The following PCARE variants were observed in gnomAD, a reference collection of about 807,000 sequenced individuals.
PCARE encodes the protein uncharacterized protein C2orf71.
PCARE carries 72 observed loss-of-function variants against 82.2 expected under a neutral mutation model. That is an observed-to-expected ratio of 0.88 (90% CI 0.72 to 1.07). PCARE has a LOEUF of 1.07. Among genes scored for constraint, PCARE ranks in the 50% least tolerant of loss-of-function variants. The pLI, the probability that PCARE is intolerant of heterozygous loss-of-function variation, is 0.00. For synonymous variants in PCARE, 705 were observed against 634.8 expected (o/e 1.11, Z -1.66); for missense variants, 1,768 against 1,592.4 (o/e 1.11, Z -1.88).
At position 29,071,171 on chromosome 2, in the gene PCARE, T is replaced by TG. The variant is rs1558488002; in HGVS notation, c.3090dup (p.Ser1031GlnfsTer76). On this transcript the variant is annotated frameshift_variant, in exon 1 of 2. Coordinates refer to ENST00000331664, the MANE Select transcript of PCARE (RefSeq NM_001029883.3). LOFTEE classifies it high-confidence loss of function. ...AGCACCCTGGGGCTCACAGGTGGGC[T>TG]GGGGGGCGTCTGCACAGCAGAGGGG... is the stretch of plus-strand genomic sequence containing the variant. 4 of 1,571,234 alleles carry TG rather than the reference T, an allele frequency of 2.5e-6. No homozygotes were observed. The highest frequency in any genetic ancestry group is 1.2e-5 in the South Asian group (1 of 84,512).
intron 1 of PCARE, 131 bp from the exon 2 acceptor site, chr2:29,065,198 C>T: frequency 9.1e-7 from 1 of 1,099,806 alleles, no homozygotes; most frequent in Non-Finnish European, 1.3e-6. Context: ...ACCCTGGGTG[C>T]CAGGCCTCTG....
Position 29,071,662 on chromosome 2 carries a change from G to A in PCARE, c.2600C>T (p.Pro867Leu), listed in dbSNP as rs182248363. Residue 867 changes from proline (P) to leucine (L), a missense_variant, in exon 1 of 2, where the codon CCG (proline) becomes CTG (leucine). Transcript: ENST00000331664. ...NSPKETQEPG[P>L]GEAGPTRRTW... The stretch of plus-strand genomic sequence containing the variant: ...TCTCCTGGTGGGGCCAGCCTCTCCC[G>A]GCCCTGGCTCCTGGGTTTCCTTGGG... The A allele has an allele frequency of 2.1e-3, 3,466 of 1,613,964 alleles. 8 individuals carry two copies. The Middle Eastern group carries it at 0.022, about 10-fold the overall frequency.
intron 1 of PCARE, among the ~76,000 whole-genome samples, chr2:29,069,353 T>G (rs1667437417): frequency 6.6e-6 from 1 of 152,228 alleles, no homozygotes; most frequent in South Asian, 2.1e-4. Context: ...TACCATGGAG[T>G]GCTATGCAGC....
chr2:29,073,249 G>A lies in PCARE; in HGVS notation c.1013C>T (p.Pro338Leu). The change falls in exon 1 of 2, where the codon CCT (proline) becomes CTT (leucine). Residue 338 changes from proline to leucine, a missense_variant. Physicochemically the swap from Pro to Leu is moderately conservative, Grantham distance 98. Coordinates refer to ENST00000331664, the MANE Select transcript of PCARE (RefSeq NM_001029883.3). ...LESLASGCGD[P>L]GVQGLPLCSE... is the part of the protein sequence containing the mutation. ...GCATAAGGGGAGACCCTGCACCCCA[G>A]GGTCGCCACAGCCACTCGCCAGGCT... The A allele has an allele frequency of 6.2e-7, 1 of 1,614,002 alleles. No individual in the cohort carries two copies. The highest frequency in any genetic ancestry group is 8.5e-7 in the Non-Finnish European group (1 of 1,179,928).
chr2:29,064,878 C>G lies in PCARE; in HGVS notation c.3858G>C (p.Glu1286Asp). 6.2e-7 allele frequency: 1 copy of G among 1,611,414 alleles called. No homozygotes were observed. The highest frequency in any genetic ancestry group is 8.5e-7 in the Non-Finnish European group (1 of 1,179,968). ...CCCCCTCGTCAGCCTGTCAGGACAC[C>G]TCCTCTTGCTGGGGCTGCGCCTCTG... Reference protein sequence around the residue: ...SQPEAQPQQEEVS With the variant: ...SQPEAQPQQEDVS The change falls in exon 2 of 2, where the codon GAG becomes GAC. Residue 1286 changes from glutamate to aspartate, a missense_variant. Transcript: ENST00000331664.
chr2:29,068,742 T>A (rs2148414039), intron 1 of PCARE, among the ~76,000 whole-genome samples: 1 of 152,290 alleles, frequency 6.6e-6, no homozygotes, highest in African/African-American at 2.4e-5. Flanking sequence ...AAAGGCACAC[T>A]TGGAACTCAG....
rs906540657 is a variant in PCARE, at chr2:29,072,789, C to T, written c.1473G>A (p.Glu491=). 3 of 1,614,194 alleles carry T rather than the reference C, an allele frequency of 1.9e-6. No homozygotes were observed. In the Admixed American group the frequency reaches 5.0e-5, roughly 27 times the overall value. ...TGCTGCTCATTTTGTCTTCCTCCTC[C>T]TCCTCTGGGCTGCTGTCCTCGCTGT... ...LSDSEDSSPE[E]EEEDKMSSMS... Residue 491 remains glutamate, a synonymous_variant, in exon 1 of 2, where the codon GAG becomes GAA. Coordinates refer to ENST00000331664, the MANE Select transcript of PCARE (RefSeq NM_001029883.3).
Position 29,064,823 on chromosome 2 carries a change from T to C in PCARE, c.*46A>G, listed in dbSNP as rs769135145. The C allele has an allele frequency of 6.2e-7, 1 of 1,604,626 alleles. No homozygotes were observed. The highest frequency in any genetic ancestry group is 8.5e-7 in the Non-Finnish European group (1 of 1,179,028). On this transcript the variant is annotated 3_prime_UTR_variant, in exon 2 of 2. Coordinates refer to ENST00000331664, the MANE Select transcript of PCARE (RefSeq NM_001029883.3). ...AGGCTGGACACTTGGCTGTCACACT[T>C]GGCCTTCTGGGGTGACTGCGTGAGT... is the stretch of plus-strand genomic sequence containing the variant.
Position 29,074,515 on chromosome 2 carries a change from G to A in PCARE, c.-254C>T, listed in dbSNP as rs999393455. On this transcript the variant is annotated 5_prime_UTR_variant, in exon 1 of 2. Coordinates refer to ENST00000331664, the MANE Select transcript of PCARE (RefSeq NM_001029883.3). ...ACCCTCTGCTGTTAGTGAGCAGCGG[G>A]ACAATTCTGAAGGCTCCCAGCCTGG... Among the ~76,000 whole-genome samples, 6 of 152,214 alleles carry A rather than the reference G, an allele frequency of 3.9e-5. No homozygotes were observed. The highest frequency in any genetic ancestry group is 8.8e-5 in the Non-Finnish European group (6 of 68,038).
chr2:29,071,619 CT>C lies in PCARE; in HGVS notation c.2642del (p.Lys881SerfsTer2), dbSNP rs769105556. The C allele has an allele frequency of 6.2e-7, 1 of 1,613,494 alleles. No individual in the cohort carries two copies. The highest frequency in any genetic ancestry group is 8.5e-7 in the Non-Finnish European group (1 of 1,179,838). On this transcript the variant is annotated frameshift_variant, in exon 1 of 2. Coordinates refer to ENST00000331664, the MANE Select transcript of PCARE (RefSeq NM_001029883.3). LOFTEE classifies it high-confidence loss of function. ...GPTRRTWASP[K>X]LRASVSPLDL... ...CCAGGGGGCTCACAGAGGCCCTCAGCTTTGGGGAAGCCCATGTTCTCCTGGT... is the reference window on the plus strand; with the variant it reads ...CCAGGGGGCTCACAGAGGCCCTCAGCTTGGGGAAGCCCATGTTCTCCTGGT...
In PCARE at chr2:29,071,518, C is replaced by T. The variant is rs753644789; in HGVS notation, c.2744G>A (p.Cys915Tyr). ...GTCCAGGGCTGGCTTCCTGGGCTGG[C>T]AGCTGCTCCTGCCACTCCCTGGCCC... Reference protein sequence around the residue: ...STGPGSGRSSCQPRKPALDLS... With the variant: ...STGPGSGRSSYQPRKPALDLS... Residue 915 changes from cysteine to tyrosine, a missense_variant, in exon 1 of 2, where the codon TGC becomes TAC. Physicochemically the swap from Cys to Tyr is radical, Grantham distance 194 (BLOSUM62 -2). Transcript: ENST00000331664. 5.0e-6 allele frequency: 8 copies of T among 1,608,258 alleles called. No homozygotes were observed. The highest frequency in any genetic ancestry group is 2.2e-5 in the East Asian group (1 of 44,874).
chr2:29,065,914 A>T (rs1054938366), intron 1 of PCARE, among the ~76,000 whole-genome samples: 1 of 152,168 alleles, frequency 6.6e-6, no homozygotes, highest in African/African-American at 2.4e-5. Flanking sequence ...TGAGAGTCCT[A>T]GGAGGGCGGA....
chr2:29,069,118 G>C (rs1022036683), intron 1 of PCARE, among the ~76,000 whole-genome samples: 2 of 152,226 alleles, frequency 1.3e-5, no homozygotes, highest in Admixed American at 1.3e-4. Context: ...GCAGAGCTGA[G>C]AATCCGGTCA....
Position 29,071,751 on chromosome 2 carries a change from A to G in PCARE, c.2511T>C (p.Val837=), listed in dbSNP as rs762718611. ...GAGAAGCGAATGATTTGTCCATCAGAACTTCCATAGGCGGTGGAGGGAGGT... is the reference window on the plus strand; with the variant it reads ...GAGAAGCGAATGATTTGTCCATCAGGACTTCCATAGGCGGTGGAGGGAGGT... ...LEHLPPPPME[V]LMDKSFASLE... Residue 837 remains valine (V), a synonymous_variant, in exon 1 of 2, where the codon GTT becomes GTC. Transcript: ENST00000331664. The G allele has an allele frequency of 4.7e-5, 76 of 1,613,482 alleles. No individual in the cohort carries two copies. Among genetic ancestry groups the G allele is most frequent in the Non-Finnish European group, 1.7e-6 (2 of 1,179,700 alleles).
At chr2:29,069,061 C>T (rs897426413) in intron 1 of PCARE, among the ~76,000 whole-genome samples, 4 of 152,140 alleles carry the variant, frequency 2.6e-5, no homozygotes, top group African/African-American at 4.8e-5. Context: ...GGGTGGAGAG[C>T]CCCGCGTCTA....
In PCARE at chr2:29,071,955, G is replaced by A. The variant is rs2148415716; in HGVS notation, c.2307C>T (p.Pro769=). The A allele has an allele frequency of 6.2e-7, 1 of 1,614,114 alleles. No homozygotes were observed. The highest frequency in any genetic ancestry group is 8.5e-7 in the Non-Finnish European group (1 of 1,179,956). Residue 769 remains proline (P), a synonymous_variant, in exon 1 of 2, where the codon CCC becomes CCT. Transcript: ENST00000331664. ...ACAAAGGGGCAAGCCCTGTGTACTT[G>A]GGAAATCTGGGGGGCATGATGCAAT... ...LRNCIMPPRF[P]KYTGLAPLYP...
Position 29,072,880 on chromosome 2 carries a change from A to G in PCARE, c.1382T>C (p.Ile461Thr), listed in dbSNP as rs377498611. 52 of 1,613,962 alleles carry G rather than the reference A, an allele frequency of 3.2e-5. No individual in the cohort carries two copies. Among genetic ancestry groups the G allele is most frequent in the Middle Eastern group, 1.6e-4 (1 of 6,084 alleles). ...AAGGTGTGGTTCCACAGAGACCCCA[A>G]TCCCAAAGGAATCACATGGGGTGCT... is the stretch of plus-strand genomic sequence containing the variant. Reference protein sequence around the residue: ...GTSTPCDSFGIGVSVEPHLSK... With the variant: ...GTSTPCDSFGTGVSVEPHLSK... Residue 461 changes from isoleucine to threonine, a missense_variant, in exon 1 of 2, where the codon ATT (isoleucine) becomes ACT (threonine). Ile to Thr is a moderately conservative substitution (Grantham distance 89). Transcript: ENST00000331664.
In PCARE at chr2:29,072,985, G is replaced by A. The variant is rs371097423; in HGVS notation, c.1277C>T (p.Ala426Val). 1 of 1,614,156 alleles carries A rather than the reference G, an allele frequency of 6.2e-7. No individual in the cohort carries two copies. Among genetic ancestry groups the A allele is most frequent in the East Asian group, 2.2e-5 (1 of 44,872 alleles). Residue 426 changes from alanine (A) to valine (V), a missense_variant, in exon 1 of 2, where the codon GCA becomes GTA. Physicochemically the swap from Ala to Val is moderately conservative, Grantham distance 64 (BLOSUM62 0). Transcript: ENST00000331664. ...GCATGGGCTCCTTGCTTCGTCCTGT[G>A]CTCGTGGCTGAACCTTTGCCATAGG... is the stretch of plus-strand genomic sequence containing the variant. ...GAPMAKVQPR[A>V]QDEARSPCLS...
rs1667526187 is a variant in PCARE at position 29,073,268 on chromosome 2, C to T, written c.994G>A (p.Ala332Thr). ...ACCCCAGGGTCGCCACAGCCACTCG[C>T]CAGGCTCTCTAGCTGCCTCAGAGCC... ...LRALRQLESL[A>T]SGCGDPGVQG... The change falls in exon 1 of 2, where the codon GCG becomes ACG. Residue 332 changes from alanine to threonine, a missense_variant. Transcript: ENST00000331664. The T allele has an allele frequency of 3.7e-6, 6 of 1,614,008 alleles. No homozygotes were observed. Among genetic ancestry groups the T allele is most frequent in the Non-Finnish European group, 5.1e-6 (6 of 1,179,986 alleles).
Sources: gnomAD v4.1 joint callset for allele counts (sites outside exome capture counted in the v4.1 genomes callset) on GRCh38, gnomAD v4.1.1 for gene constraint, MANE v1.5 for transcripts, NCBI Gene and HGNC (gene_info 2026-07-23, HGNC 2026-07-21) for gene names.